TCOF1: variants seen among roughly 807,000 people sequenced by gnomAD.
TCOF1 encodes treacle protein.
A neutral mutation model predicts 149.0 loss-of-function variants in TCOF1; 33 were observed. That is an observed-to-expected ratio of 0.22 (90% CI 0.17 to 0.30). TCOF1 has a LOEUF of 0.30. Ranked by LOEUF, TCOF1 falls within the 10% of genes least tolerant of loss-of-function variation. TCOF1 has a pLI of 1.00. For synonymous variants in TCOF1, 789 were observed against 738.8 expected (o/e 1.07, Z -1.10); for missense variants, 1,728 against 1,840.7 (o/e 0.94, Z 1.12).
At chr5:150,392,572 G>GCACC in intron 21 of TCOF1, 133 bp from the exon 22 acceptor site, 1 of 817,988 alleles carries the variant, frequency 1.2e-6, no homozygotes, top group African/African-American at 1.7e-5. Flanking sequence ...GCAGTAGGAA[G>GCACC]ACTTGTGGTG....
chr5:150,399,541 T>A (rs1769343951), intron 26 of TCOF1, among the ~76,000 whole-genome samples: 1 of 152,164 alleles, frequency 6.6e-6, no homozygotes, highest in Non-Finnish European at 1.5e-5. Flanking sequence ...GACAGTTAGC[T>A]GCTCCACCTG....
chr5:150,392,452 G>A, intron 21 of TCOF1: 1 of 608,856 alleles, frequency 1.6e-6, no homozygotes, highest in Non-Finnish European at 2.9e-6. Flanking sequence ...TGGAACAGTG[G>A]AAAGCAGGGA....
intron 5 of TCOF1, 63 bp downstream of exon 5, chr5:150,368,965 G>A (rs1370296440): frequency 6.3e-7 from 1 of 1,592,502 alleles, no homozygotes; most frequent in Non-Finnish European, 8.6e-7. Flanking sequence ...GCAGGCCTAG[G>A]CATTGCTTTA....
rs146226591 is a variant in TCOF1 at position 150,393,388 on chromosome 5, A to G, written c.3620A>G (p.Tyr1207Cys). The G allele has an allele frequency of 1.2e-4, 191 of 1,614,038 alleles. No homozygotes were observed. The African/African-American group carries it at 2.3e-3, about 19-fold the overall frequency. ...VAPSQSLLSG[Y>C]MTPGLTPANS... is the part of the protein sequence containing the mutation. The stretch of plus-strand genomic sequence containing the variant: ...CTTCTTCAGTCTCTCCTCTCAGGTT[A>G]TATGACCCCTGGACTAACCCCAGCC... The change falls in exon 23 of 27, where the codon TAT becomes TGT. Residue 1207 changes from tyrosine (Y) to cysteine (C), a missense_variant. By Grantham distance (194) the Tyr-to-Cys change is radical. This residue lies in a region of TCOF1 where 1,696 missense variants were observed against 1,765.4 expected (regional missense o/e 0.96). Coordinates refer to ENST00000643257, the MANE Select transcript of TCOF1 (RefSeq NM_001371623.1).
chr5:150,376,600 G>C lies in TCOF1; in HGVS notation c.2320G>C (p.Ala774Pro). Residue 774 changes from alanine (A) to proline (P), a missense_variant, in exon 14 of 27, where the codon GCA becomes CCA. By Grantham distance (27) the Ala-to-Pro change is conservative (BLOSUM62 -1). Transcript: ENST00000643257. ...TGAGGAGGAATCAGACAGTGAGGAA[G>C]CAGCTGCATCTCCAGCACAGGTGAG... The part of the protein sequence containing the change: ...SSEEESDSEE[A>P]AASPAQVKTS... 6.4e-7 allele frequency: 1 copy of C among 1,572,954 alleles called. No individual in the cohort carries two copies. Among genetic ancestry groups the C allele is most frequent in the Non-Finnish European group, 8.6e-7 (1 of 1,159,288 alleles).
At position 150,372,132 on chromosome 5, in the gene TCOF1, G is replaced by A. The variant is rs753898877; in HGVS notation, c.766G>A (p.Ala256Thr). The change falls in exon 7 of 27, where the codon GCC becomes ACC. Residue 256 changes from alanine (A) to threonine (T), a missense_variant. Physicochemically the swap from Ala to Thr is moderately conservative, Grantham distance 58. Around this residue, in one of 2 missense-constraint regions of TCOF1, gnomAD observed 1,696 missense variants for 1,765.4 expected, o/e 0.96. Coordinates refer to ENST00000643257, the MANE Select transcript of TCOF1 (RefSeq NM_001371623.1). ...TGTGACACCCCAGGTCAAAGGAGGG[G>A]CCCTGCCCCCAGCCAAGAGGGCCAA... ...GDVTPQVKGG[A>T]LPPAKRAKKP... 36 of 1,614,056 alleles carry A rather than the reference G, an allele frequency of 2.2e-5. No individual in the cohort carries two copies. In the Admixed American group the frequency reaches 2.3e-4, roughly 10 times the overall value.
intron 23 of TCOF1, chr5:150,394,364 C>CCCTGG (rs1246860451): frequency 6.5e-6 from 1 of 152,682 alleles, no homozygotes; most frequent in Non-Finnish European, 1.5e-5. Flanking sequence ...CTTGGAAATC[C>CCCTGG]CCTGGCCACT....
At chr5:150,360,381 A>G (rs758163893) in intron 1 of TCOF1, among the ~76,000 whole-genome samples, 2 of 152,156 alleles carry the variant, frequency 1.3e-5, no homozygotes, top group African/African-American at 2.4e-5. Flanking sequence ...GACTGGTACC[A>G]TTTGGGCCCA....
intron 19 of TCOF1, among the ~76,000 whole-genome samples, chr5:150,391,272 G>T (rs1445079283): frequency 6.6e-6 from 1 of 152,210 alleles, no homozygotes; most frequent in African/African-American, 2.4e-5. Flanking sequence ...AGAGATGGGG[G>T]TCCACCAGGT....
rs1763834711 is a variant in TCOF1, at chr5:150,376,488, G to A, written c.2208G>A (p.Gly736=). The change falls in exon 14 of 27, where the codon GGG becomes GGA. Residue 736 remains glycine (G), a synonymous_variant. Coordinates refer to ENST00000643257, the MANE Select transcript of TCOF1 (RefSeq NM_001371623.1). ...AASVPVKGSL[G]QGTAPVLPGK... ...CAGTGCCTGTCAAGGGGTCCTTGGG[G>A]CAAGGGACTGCTCCAGTACTCCCTG... The A allele has an allele frequency of 6.2e-7, 1 of 1,614,072 alleles. No homozygotes were observed. Among genetic ancestry groups the A allele is most frequent in the East Asian group, 2.2e-5 (1 of 44,882 alleles).
At chr5:150,368,962 T>C (rs1232263304) in intron 5 of TCOF1, 60 bp downstream of exon 5, 4 of 1,584,198 alleles carry the variant, frequency 2.5e-6, no homozygotes, top group African/African-American at 2.7e-5. Context: ...GAGGCAGGCC[T>C]AGGCATTGCT....
At chr5:150,375,594 CACTCAGAGTGG>C (rs750649577) in intron 11 of TCOF1, 40 bp downstream of exon 11, 3 of 1,613,490 alleles carry the variant, frequency 1.9e-6, no homozygotes, top group Non-Finnish European at 2.5e-6. Flanking sequence ...TTTTCCCCCC[CACTCAGAGTGG>C]AGCTGCCTGT....
chr5:150,391,081 C>T (rs921201010), intron 19 of TCOF1, among the ~76,000 whole-genome samples: 1 of 151,960 alleles, frequency 6.6e-6, no homozygotes, highest in East Asian at 1.9e-4. Context: ...ACCAGGTCTT[C>T]GGGGGAAGCG....
At chr5:150,384,525 C>A in intron 17 of TCOF1, 1 of 985,474 alleles carries the variant, frequency 1.0e-6, no homozygotes, top group Non-Finnish European at 1.2e-6. Context: ...GGAGCCTTTA[C>A]GAGGCCACCT....
At chr5:150,397,687 C>T (rs76164699) in intron 24 of TCOF1, among the ~76,000 whole-genome samples, 3,058 of 152,270 alleles carry the variant, frequency 0.02, 101 homozygotes, top group African/African-American at 0.069. Context: ...AAAAGTCGGG[C>T]ACCCTCAGAG....
At chr5:150,395,444 G>T (rs1368007402) in intron 23 of TCOF1, among the ~76,000 whole-genome samples, 1 of 152,202 alleles carries the variant, frequency 6.6e-6, no homozygotes, top group Non-Finnish European at 1.5e-5. Flanking sequence ...GCCCCAGGCT[G>T]GGTCGGAAGA....
chr5:150,389,908 C>T lies in TCOF1; in HGVS notation c.3068C>T (p.Thr1023Ile). ...LTPGIRTNVV[T>I]MPTAHPRIAP... is the part of the protein sequence containing the mutation. ...TCAGGCATCAGAACCAATGTGGTGACCATGCCCACTGCCCACCCAAGAATA... is the reference window on the plus strand; with the variant it reads ...TCAGGCATCAGAACCAATGTGGTGATCATGCCCACTGCCCACCCAAGAATA... Residue 1023 changes from threonine (T) to isoleucine (I), a missense_variant, in exon 19 of 27, where the codon ACC becomes ATC. By Grantham distance (89) the Thr-to-Ile change is moderately conservative (BLOSUM62 -1). Coordinates refer to ENST00000643257, the MANE Select transcript of TCOF1 (RefSeq NM_001371623.1). The T allele has an allele frequency of 6.2e-7, 1 of 1,614,230 alleles. No homozygotes were observed. The highest frequency in any genetic ancestry group is 8.5e-7 in the Non-Finnish European group (1 of 1,180,038).
rs1343807284 is a variant in TCOF1, at chr5:150,376,251, G to T, written c.2063G>T (p.Arg688Ile). The T allele has an allele frequency of 6.2e-7, 1 of 1,614,210 alleles. No homozygotes were observed. The highest frequency in any genetic ancestry group is 8.5e-7 in the Non-Finnish European group (1 of 1,180,040). ...SSPAVAGGTQ[R>I]PAEDSSSSEE... ...CCAGCTGTGGCTGGGGGCACCCAGAGACCAGCAGAGGATTCTTCAAGCAGT... is the reference window on the plus strand; with the variant it reads ...CCAGCTGTGGCTGGGGGCACCCAGATACCAGCAGAGGATTCTTCAAGCAGT... The change falls in exon 13 of 27, where the codon AGA (arginine) becomes ATA (isoleucine). Residue 688 changes from arginine to isoleucine, a missense_variant. Physicochemically the swap from Arg to Ile is moderately conservative, Grantham distance 97 (BLOSUM62 -3). Transcript: ENST00000643257.
At chr5:150,373,598 G>A (rs1308082135) in intron 7 of TCOF1, among the ~76,000 whole-genome samples, 2 of 152,180 alleles carry the variant, frequency 1.3e-5, no homozygotes, top group African/African-American at 4.8e-5. Context: ...TAGTGAAGAG[G>A]GGGCCAGGTG....
Sources: allele counts gnomAD v4.1 joint callset (sites outside exome capture counted in the v4.1 genomes callset), GRCh38; gene constraint gnomAD v4.1.1; regional missense constraint gnomAD v4.1.1; transcripts MANE v1.5; gene names NCBI Gene and HGNC (gene_info 2026-07-23, HGNC 2026-07-21).